The following UGT1A8 variants were observed in gnomAD, a reference collection of about 807,000 sequenced individuals.
UGT1A8 encodes the protein UDP glucuronosyltransferase family 1 member A8, also known as UDP-glucuronosyltransferase 1A8.
A neutral mutation model predicts 45.3 loss-of-function variants in UGT1A8; 39 were observed. That is an observed-to-expected ratio of 0.86 (90% confidence interval 0.67 to 1.12). The LOEUF (loss-of-function observed/expected upper bound fraction) is 1.12. Among genes scored for constraint, UGT1A8 ranks in the 50% most tolerant of loss-of-function variants. The pLI is 0.00. For synonymous variants in UGT1A8, 275 were observed against 249.2 expected, an observed-to-expected ratio of 1.10 and a Z score of -0.97; for missense variants, 719 against 664.9, an observed-to-expected ratio of 1.08 and a Z score of -0.90.
At chr2:233,685,191 A>G (rs186817680) in intron 1 of UGT1A8, among the ~76,000 whole-genome samples, 6 of 152,148 alleles carry the variant, frequency 3.9e-5, no homozygotes, top group African/African-American at 1.4e-4. Flanking sequence ...AGAACATTAA[A>G]ACGGTTTTGT....
intron 1 of UGT1A8, chr2:233,636,563 T>C: frequency 6.2e-7 from 1 of 1,614,186 alleles, no homozygotes; most frequent in African/African-American, 1.3e-5. Context: ...CCTTTATGTG[T>C]GTGTCTACTG....
rs774409308 is a variant in UGT1A8, at chr2:233,719,538, CAG to C, written c.856-47489_856-47488del. 13 of 1,613,912 alleles carry C rather than the reference CAG, an allele frequency of 8.1e-6. No individual in the cohort carries two copies. In the South Asian group the frequency reaches 9.9e-5, roughly 12 times the overall value. ...TGCAAGTCTTGCCTCTGAGCTTTTT[CAG>C]AGAGAGGTGTCAGTGGTGGATCTTG... On this transcript the variant is annotated intron_variant, in intron 1 of 4. Coordinates refer to ENST00000373450, the MANE Select transcript of UGT1A8 (RefSeq NM_019076.5).
chr2:233,645,001 A>G (rs1206174990), intron 1 of UGT1A8, among the ~76,000 whole-genome samples: 1 of 152,138 alleles, frequency 6.6e-6, no homozygotes, highest in East Asian at 1.9e-4. Context: ...GAGAAGCTGA[A>G]TTAGAGATAT....
At chr2:233,713,005 T>C (rs1170643319) in intron 1 of UGT1A8, 6 of 1,613,446 alleles carry the variant, frequency 3.7e-6, no homozygotes, top group Non-Finnish European at 5.1e-6. Flanking sequence ...GCCACAGGAC[T>C]CCAGGTTCCC....
chr2:233,760,960 G>C (rs144721642), intron 1 of UGT1A8: 1 of 1,614,048 alleles, frequency 6.2e-7, no homozygotes, highest in Non-Finnish European at 8.5e-7. Flanking sequence ...TCTGTGCGAC[G>C]TGGTTTATTC....
chr2:233,693,566 C>G, intron 1 of UGT1A8: 1 of 1,614,202 alleles, frequency 6.2e-7, no homozygotes, highest in Middle Eastern at 1.6e-4. Context: ...AAGCCCAGAC[C>G]CTGTGTCCTA....
intron 1 of UGT1A8, chr2:233,719,396 C>T: frequency 6.2e-7 from 1 of 1,613,966 alleles, no homozygotes; most frequent in Non-Finnish European, 8.5e-7. Flanking sequence ...ATCCTTCCTC[C>T]TATATTCCTA....
At chr2:233,741,541 C>T (rs1479891345) in intron 1 of UGT1A8, 1 of 151,844 alleles carries the variant, frequency 6.6e-6, no homozygotes, top group Non-Finnish European at 1.5e-5. Flanking sequence ...TATTCTGATA[C>T]TTCTTTTATG....
chr2:233,759,735 A>G (rs1426005691), intron 1 of UGT1A8, among the ~76,000 whole-genome samples: 1 of 152,016 alleles, frequency 6.6e-6, no homozygotes, highest in Non-Finnish European at 1.5e-5. Flanking sequence ...CTGCAGCCTC[A>G]AGACCCCACA....
intron 1 of UGT1A8, chr2:233,755,833 G>C (rs1270609595): frequency 1.3e-5 from 2 of 152,294 alleles, no homozygotes; most frequent in Non-Finnish European, 2.9e-5. Flanking sequence ...CATATTCATT[G>C]GGCAATTTAA....
chr2:233,665,967 C>T (rs28969701), intron 1 of UGT1A8, among the ~76,000 whole-genome samples: 7,521 of 152,084 alleles, frequency 0.049, 297 homozygotes, highest in African/African-American at 0.099. Flanking sequence ...GTTTGCATTG[C>T]GATAAAGGAA....
intron 4 of UGT1A8, chr2:233,771,016 A>C (rs1281561140): frequency 2.0e-5 from 3 of 152,186 alleles, no homozygotes; most frequent in African/African-American, 7.2e-5. Flanking sequence ...AGCAGGAGCG[A>C]GAGAGAGTTG....
chr2:233,767,725 G>T (rs930138004), intron 2 of UGT1A8, 124 bp from the exon 3 acceptor site: 2 of 1,552,620 alleles, frequency 1.3e-6, no homozygotes, highest in South Asian at 1.2e-5. Flanking sequence ...CACAGTTACT[G>T]ATCCTCCCAC....
chr2:233,699,994 G>A (rs1457243004), intron 1 of UGT1A8, among the ~76,000 whole-genome samples: 1 of 152,158 alleles, frequency 6.6e-6, no homozygotes, highest in Non-Finnish European at 1.5e-5. Context: ...GAATTACTCT[G>A]GCTCAAAATG....
At chr2:233,745,788 G>A (rs1003270220) in intron 1 of UGT1A8, among the ~76,000 whole-genome samples, 1 of 150,764 alleles carries the variant, frequency 6.6e-6, no homozygotes, top group Non-Finnish European at 1.5e-5. Flanking sequence ...AGACAGGGGG[G>A]CTGGGGTCTA....
intron 1 of UGT1A8, chr2:233,690,716 G>C (rs1177258267): frequency 1.3e-5 from 16 of 1,217,412 alleles, no homozygotes; most frequent in Non-Finnish European, 1.7e-5. Context: ...TCATTATGAC[G>C]AACAGACATG....
chr2:233,691,153 A>G, intron 1 of UGT1A8: 7 of 985,748 alleles, frequency 7.1e-6, no homozygotes, highest in Non-Finnish European at 8.4e-6. Flanking sequence ...TGTTCTTTGA[A>G]GGAAACCTGC....
chr2:233,647,535 A>C (rs2073636439), intron 1 of UGT1A8, among the ~76,000 whole-genome samples: 2 of 152,246 alleles, frequency 1.3e-5, no homozygotes, highest in Non-Finnish European at 2.9e-5. Flanking sequence ...TTGTGGGAAC[A>C]TTTGAAGTCA....
At chr2:233,645,961 C>T (rs1167454580) in intron 1 of UGT1A8, among the ~76,000 whole-genome samples, 4 of 152,250 alleles carry the variant, frequency 2.6e-5, no homozygotes, top group Non-Finnish European at 5.9e-5. Context: ...CAGAGGTTCT[C>T]TGTGAGGGTC....
Sources: gnomAD v4.1 joint callset for allele counts (sites outside exome capture counted in the v4.1 genomes callset) on GRCh38, gnomAD v4.1.1 for gene constraint, MANE v1.5 for transcripts, NCBI Gene and HGNC (gene_info 2026-07-23, HGNC 2026-07-21) for gene names.